Variants in GPHN observed in about 807,000 individuals in gnomAD.
The protein encoded by GPHN is gephyrin.
In GPHN, 17 loss-of-function variants were observed where a neutral mutation model predicts 95.5. That is an observed-to-expected ratio of 0.18 (90% confidence interval 0.12 to 0.27). The LOEUF (loss-of-function observed/expected upper bound fraction) is 0.27, where lower values mean the gene tolerates loss of function less well. Among genes scored for constraint, GPHN ranks in the 10% least tolerant of loss-of-function variants. The pLI, the probability that GPHN is intolerant of heterozygous loss-of-function variation, is 1.00. For synonymous variants in GPHN, 320 were observed against 322.5 expected (o/e 0.99, Z 0.08); for missense variants, 660 against 978.1 (o/e 0.67, Z 4.34).
intron 3 of GPHN, among the ~76,000 whole-genome samples, chr14:66,809,436 C>A (rs2060673838): frequency 6.6e-6 from 1 of 152,180 alleles, no homozygotes; most frequent in East Asian, 1.9e-4. Context: ...TAGCAAAGTA[C>A]TTACATAGTA....
chr14:66,572,091 T>C (rs1480338235), intron 1 of GPHN, among the ~76,000 whole-genome samples: 1 of 152,200 alleles, frequency 6.6e-6, no homozygotes, highest in Non-Finnish European at 1.5e-5. Flanking sequence ...ATTTCTGGTC[T>C]CTCTTCTATT....
rs112579020 is a variant in GPHN at position 66,662,340 on chromosome 14, T to C, written c.65-18767T>C. Reference sequence around the variant, plus strand: ...GGGGCAGGCTGCCATCTTTGCAGTTTTGCAGCCTTCACTGGTGATACCCTC... The same window carrying C: ...GGGGCAGGCTGCCATCTTTGCAGTTCTGCAGCCTTCACTGGTGATACCCTC... On this transcript the variant is annotated intron_variant, in intron 1 of 22. Transcript: ENST00000478722. Among the ~76,000 whole-genome samples, 1,220 of 152,224 alleles carry C rather than the reference T, an allele frequency of 8.0e-3. 7 individuals are homozygous for C. Among genetic ancestry groups the C allele is most frequent in the Non-Finnish European group, 0.014 (929 of 67,996 alleles).
intron 1 of GPHN, among the ~76,000 whole-genome samples, chr14:66,540,303 A>AC (rs1297404700): frequency 6.6e-6 from 1 of 152,134 alleles, no homozygotes; most frequent in Non-Finnish European, 1.5e-5. Context: ...TTGTTTATAT[A>AC]CCATTGGCCA....
At chr14:67,371,367 C>T in the GPHN span, among the ~76,000 whole-genome samples, 1 of 151,818 alleles carries the variant, frequency 6.6e-6, no homozygotes, top group African/African-American at 2.4e-5. Flanking sequence ...CTGTAGTGAG[C>T]TGTGATCACA....
At chr14:67,185,443 C>T (rs1022028282), downstream of GPHN, among the ~76,000 whole-genome samples, 1 of 152,158 alleles carries the variant, frequency 6.6e-6, no homozygotes, top group Non-Finnish European at 1.5e-5. Flanking sequence ...TTCTACTTGG[C>T]ACGGTGGACA....
At chr14:67,442,351 C>T in the GPHN span, among the ~76,000 whole-genome samples, 1 of 152,180 alleles carries the variant, frequency 6.6e-6, no homozygotes, top group Non-Finnish European at 1.5e-5. Context: ...AATGGTGTTT[C>T]TACTGCCTTC....
At chr14:67,642,891 C>A in the GPHN span, among the ~76,000 whole-genome samples, 1 of 144,616 alleles carries the variant, frequency 6.9e-6, no homozygotes. Flanking sequence ...CAACCTCTGC[C>A]TCCTAGGCTC....
chr14:67,732,598 C>T, the GPHN span, among the ~76,000 whole-genome samples: 35 of 149,524 alleles, frequency 2.3e-4, no homozygotes, highest in African/African-American at 6.1e-4. Context: ...TTTTTTGAGA[C>T]GGAGTTTCGG....
At chr14:67,124,351 A>C (rs2079179974) in intron 17 of GPHN, among the ~76,000 whole-genome samples, 2 of 152,134 alleles carry the variant, frequency 1.3e-5, no homozygotes, top group African/African-American at 4.8e-5. Flanking sequence ...GGTTGCAGTG[A>C]GCTGAGACTG....
chr14:67,089,115 A>ATTTTTTTT (rs371624615), intron 12 of GPHN, 40 bp downstream of exon 12: 86 of 358,762 alleles, frequency 2.4e-4, no homozygotes, highest in Non-Finnish European at 3.3e-4. Context: ...CAGGCACTGT[A>ATTTTTTTT]TTTTTTTTTC....
At chr14:66,595,764 C>A (rs537745843) in intron 1 of GPHN, among the ~76,000 whole-genome samples, 14 of 147,540 alleles carry the variant, frequency 9.5e-5, no homozygotes, top group African/African-American at 3.4e-4. Flanking sequence ...TAAGTCTGGG[C>A]TCCCTGAAGT....
At chr14:67,610,800 C>A in the GPHN span, among the ~76,000 whole-genome samples, 1 of 152,114 alleles carries the variant, frequency 6.6e-6, no homozygotes, top group African/African-American at 2.4e-5. Context: ...ACCAAAGTAC[C>A]CTTAAAAAAC....
chr14:66,998,497 C>T (rs1026279335), intron 9 of GPHN, among the ~76,000 whole-genome samples: 5 of 152,128 alleles, frequency 3.3e-5, no homozygotes, highest in African/African-American at 9.6e-5. Context: ...ATTAAAATTT[C>T]AAGGAATATT....
intron 2 of GPHN, among the ~76,000 whole-genome samples, chr14:66,690,132 G>T (rs577832392): frequency 2.6e-5 from 4 of 151,232 alleles, no homozygotes; most frequent in Non-Finnish European, 5.9e-5. Context: ...TAGCTTGTTA[G>T]GCTATTTGAA....
At chr14:67,112,650 A>G (rs1039683947) in intron 15 of GPHN, among the ~76,000 whole-genome samples, 2 of 152,214 alleles carry the variant, frequency 1.3e-5, no homozygotes, top group African/African-American at 2.4e-5. Flanking sequence ...AGATATTGCC[A>G]TACAAATTCT....
At chr14:66,775,548 C>G (rs2059351004) in intron 2 of GPHN, among the ~76,000 whole-genome samples, 1 of 152,084 alleles carries the variant, frequency 6.6e-6, no homozygotes, top group South Asian at 2.1e-4. Flanking sequence ...TAAAATTATT[C>G]TGTTTTTCAT....
Position 66,883,239 on chromosome 14 carries a change from T to C in GPHN, c.389+3206T>C, listed in dbSNP as rs147998978. Among the ~76,000 whole-genome samples, 798 of 152,048 alleles carry C rather than the reference T, an allele frequency of 5.2e-3. 7 individuals are homozygous for C. Among genetic ancestry groups the C allele is most frequent in the African/African-American group, 0.018 (765 of 41,544 alleles). ...TTTACTCTGTATTAATTTTAGGTTA[T>C]TTCTATGATCTATCTTCAAATTAGC... On this transcript the variant is annotated intron_variant, in intron 5 of 22. Transcript: ENST00000478722.
chr14:66,893,979 C>G (rs2064676297), intron 5 of GPHN, among the ~76,000 whole-genome samples: 2 of 152,156 alleles, frequency 1.3e-5, no homozygotes, highest in Admixed American at 6.5e-5. Context: ...CATCAAGCTA[C>G]CAATGACTTT....
At chr14:67,659,760 C>T in the GPHN span, 8 of 1,613,530 alleles carry the variant, frequency 5.0e-6, no homozygotes, top group East Asian at 1.3e-4. Context: ...GCATATATGC[C>T]ATATTTCATG....
Sources: gnomAD v4.1 joint callset for allele counts (sites outside exome capture counted in the v4.1 genomes callset) on GRCh38, gnomAD v4.1.1 for gene constraint, MANE v1.5 for transcripts, NCBI Gene and HGNC (gene_info 2026-07-23, HGNC 2026-07-21) for gene names.